PLCH2: variants seen among roughly 807,000 people sequenced by gnomAD.
PLCH2 encodes the protein phospholipase C eta 2, also known as 1-phosphatidylinositol 4,5-bisphosphate phosphodiesterase eta-2.
Under a neutral mutation model 134.7 loss-of-function variants are expected in PLCH2, and 98 were observed. That is an observed-to-expected ratio of 0.73 (90% CI 0.62 to 0.86). The LOEUF is 0.86. Ranked by LOEUF, PLCH2 falls within the 40% of genes least tolerant of loss-of-function variation. The probability of loss-of-function intolerance (pLI) is 0.00; values close to 1 mark genes in which losing one functional copy is unlikely to be tolerated. For synonymous variants in PLCH2, 974 were observed against 827.5 expected, an observed-to-expected ratio of 1.18 and a Z score of -3.04; for missense variants, 1,994 against 1,986.6, an observed-to-expected ratio of 1.00 and a Z score of -0.07.
chr1:2,478,335 G>C, intron 1 of PLCH2, 141 bp from the exon 2 acceptor site: 1 of 1,024,600 alleles, frequency 9.8e-7, no homozygotes, highest in Admixed American at 2.1e-5. Flanking sequence ...GGGCGGGGCC[G>C]GGCGAGGTGA....
At chr1:2,428,044 G>A (rs1330377746) in intron 1 of PLCH2, among the ~76,000 whole-genome samples, 2 of 152,214 alleles carry the variant, frequency 1.3e-5, no homozygotes, top group Non-Finnish European at 2.9e-5. Context: ...CACTCGGCCC[G>A]GAGCTGGGCC....
In PLCH2 at chr1:2,504,190, G is replaced by T. The variant is rs753107262; in HGVS notation, c.3228G>T (p.Thr1076=). ...ACGAGAGGGCCCCCGGCAGCCAGAC[G>T]GACGGCAGGAGCCAGCCCCGGACCC... ...GAYERAPGSQ[T]DGRSQPRTLG... is the part of the protein sequence containing the mutation. The change falls in exon 22 of 22, where the codon ACG becomes ACT. Residue 1076 remains threonine, a synonymous_variant. Coordinates refer to ENST00000378486, the MANE Select transcript of PLCH2 (RefSeq NM_014638.4). 6.5e-7 allele frequency: 1 copy of T among 1,545,658 alleles called. No individual in the cohort carries two copies. Among genetic ancestry groups the T allele is most frequent in the Admixed American group, 2.1e-5 (1 of 48,732 alleles).
At chr1:2,483,504 C>T (rs920976807) in intron 4 of PLCH2, among the ~76,000 whole-genome samples, 3 of 152,126 alleles carry the variant, frequency 2.0e-5, no homozygotes, top group African/African-American at 4.8e-5. Context: ...TGGTGTTCCT[C>T]GTGAGTAGGG....
At chr1:2,466,036 G>A (rs1641042630), upstream of PLCH2, among the ~76,000 whole-genome samples, 1 of 152,220 alleles carries the variant, frequency 6.6e-6, no homozygotes, top group African/African-American at 2.4e-5. Flanking sequence ...GACATGCAGA[G>A]CCCAGGTGTG....
chr1:2,466,643 G>A (rs867870275), upstream of PLCH2, among the ~76,000 whole-genome samples: 17 of 152,252 alleles, frequency 1.1e-4, no homozygotes, highest in African/African-American at 3.9e-4. Context: ...CTCCCAGGCC[G>A]CACTCTGGGA....
intron 1 of PLCH2, among the ~76,000 whole-genome samples, chr1:2,426,925 T>A (rs1638825420): frequency 6.6e-6 from 1 of 152,114 alleles, no homozygotes; most frequent in African/African-American, 2.4e-5. Context: ...ATCCGCTAAG[T>A]CCAGGGGTGG....
rs1465637164 is a variant in PLCH2, at chr1:2,467,460, A to T, written c.-160A>T. The T allele has an allele frequency of 1.1e-5, 4 of 374,412 alleles. No homozygotes were observed. The South Asian group carries it at 6.0e-4, about 57-fold the overall frequency. The allele number at this position is 374,412 out of a possible 1,614,324, so 23.2% of individuals were successfully genotyped here. A position where few individuals can be genotyped will look rare whatever the true frequency, so the allele number is the denominator to read the frequency against. On this transcript the variant is annotated 5_prime_UTR_variant, in exon 1 of 22. Coordinates refer to the PLCH2 transcript ENST00000449969. ...TCCCCTCGCCTTCCTCACCTTCCTC[A>T]CGGGCGGGCGCGGCAGGGCAGCGTG... is the stretch of plus-strand genomic sequence containing the variant.
At chr1:2,426,441 G>A (rs1638799997) in intron 1 of PLCH2, among the ~76,000 whole-genome samples, 1 of 152,252 alleles carries the variant, frequency 6.6e-6, no homozygotes. Context: ...AAAGTCCCTG[G>A]TTCGGGGCTG....
In PLCH2 at chr1:2,480,162, G is replaced by C. The variant is rs757919130; in HGVS notation, c.516-21G>C. ...AGGGCTGGGCCCATGGATCGCTGTT[G>C]GCCCCTAACTCGGCACCAAAGTGGC... On this transcript the variant is annotated intron_variant, in intron 3 of 21. Coordinates refer to ENST00000378486, the MANE Select transcript of PLCH2 (RefSeq NM_014638.4). 5 of 1,612,472 alleles carry C rather than the reference G, an allele frequency of 3.1e-6. No homozygotes were observed. The South Asian group carries it at 5.5e-5, about 18-fold the overall frequency.
intron 1 of PLCH2, among the ~76,000 whole-genome samples, chr1:2,470,785 C>A (rs936668738): frequency 2.0e-5 from 3 of 152,188 alleles, no homozygotes; most frequent in African/African-American, 7.2e-5. Flanking sequence ...AGCTGGCAGG[C>A]CAGGCTCCAT....
chr1:2,421,859 A>G (rs1365200253), upstream of PLCH2, among the ~76,000 whole-genome samples: 2 of 152,070 alleles, frequency 1.3e-5, no homozygotes, highest in Non-Finnish European at 2.9e-5. Flanking sequence ...CTGTAATCTC[A>G]GCTACACAGG....
chr1:2,489,993 T>A (rs1642482963), intron 10 of PLCH2, 126 bp downstream of exon 10: 2 of 726,066 alleles, frequency 2.8e-6, no homozygotes, highest in Admixed American at 4.2e-5. Context: ...TGGGGCAGAT[T>A]CGCACAGCGG....
At chr1:2,497,448 C>A in intron 15 of PLCH2, 54 bp from the exon 16 acceptor site, 1 of 1,283,016 alleles carries the variant, frequency 7.8e-7, no homozygotes, top group Non-Finnish European at 1.1e-6. Flanking sequence ...GTGGGCGGGG[C>A]ACACACCTGG....
chr1:2,502,537 C>G, intron 21 of PLCH2, 128 bp downstream of exon 21: 1 of 1,015,694 alleles, frequency 9.8e-7, no homozygotes, highest in Non-Finnish European at 1.5e-6. Context: ...CCTGCGCCGG[C>G]GTGAACACCG....
At chr1:2,491,527 T>C (rs943845868) in intron 11 of PLCH2, among the ~76,000 whole-genome samples, 192 bp downstream of exon 11, 2 of 152,032 alleles carry the variant, frequency 1.3e-5, no homozygotes, top group Non-Finnish European at 2.9e-5. Context: ...ACCAGCGGGG[T>C]CTCAAAGCCC....
Position 2,502,777 on chromosome 1 carries a change from G to A in PLCH2, c.2959+368G>A, listed in dbSNP as rs557449368. ...CGGACTCCAGCAGCCCAGACAGCCC[G>A]GGCATCCCCGAAAGGTCCCCCCGCT... On this transcript the variant is annotated intron_variant, in intron 21 of 21. Coordinates refer to ENST00000378486, the MANE Select transcript of PLCH2 (RefSeq NM_014638.4). The A allele has an allele frequency of 9.5e-5, 68 of 716,884 alleles. 1 individual carries two copies. Among genetic ancestry groups the A allele is most frequent in the South Asian group, 5.6e-4 (38 of 67,584 alleles). 44.4% of individuals were successfully genotyped at this position (716,884 alleles called of 1,614,324 possible).
At chr1:2,497,400 G>C (rs1443666047) in intron 15 of PLCH2, 102 bp from the exon 16 acceptor site, 3 of 768,846 alleles carry the variant, frequency 3.9e-6, no homozygotes, top group Non-Finnish European at 6.6e-6. Flanking sequence ...CGGCAGATAC[G>C]CGGCAGCTGT....
Position 2,477,796 on chromosome 1 carries a change from G to A in PLCH2, c.125-680G>A, listed in dbSNP as rs12045425. 5.9e-3 allele frequency among the ~76,000 whole-genome samples: 899 copies of A among 152,324 alleles called. 46 individuals carry two copies. In the East Asian group the frequency reaches 0.12, roughly 20 times the overall value. ...GTCCATACTGCAGTGCAGGGCGTGC[G>A]ACGCAGACATTCATGGCACCATTCG... is the stretch of plus-strand genomic sequence containing the variant. On this transcript the variant is annotated intron_variant, in intron 1 of 21. Coordinates refer to ENST00000378486, the MANE Select transcript of PLCH2 (RefSeq NM_014638.4).
the PLCH2 span, among the ~76,000 whole-genome samples, chr1:2,418,470 C>T: frequency 4.1e-3 from 621 of 152,316 alleles, 2 homozygotes; most frequent in African/African-American, 0.014. Flanking sequence ...AGGAGGGGCC[C>T]CGGGGCCATG....
Sources: gnomAD v4.1 joint callset for allele counts (sites outside exome capture counted in the v4.1 genomes callset) on GRCh38, gnomAD v4.1.1 for gene constraint, MANE v1.5 for transcripts, NCBI Gene and HGNC (gene_info 2026-07-23, HGNC 2026-07-21) for gene names.